Variants in SLC7A10 observed in about 807,000 individuals in gnomAD.
SLC7A10 encodes asc-type amino acid transporter 1.
A neutral mutation model predicts 52.7 loss-of-function variants in SLC7A10; 30 were observed. The observed-to-expected ratio is 0.57, with a 90% confidence interval of 0.43 to 0.77. The LOEUF (loss-of-function observed/expected upper bound fraction) is 0.77. Ranked by LOEUF, SLC7A10 falls within the 30% of genes least tolerant of loss-of-function variation. The pLI is 0.00. For synonymous variants in SLC7A10, 318 were observed against 314.9 expected, an observed-to-expected ratio of 1.01 and a Z score of -0.10; for missense variants, 581 against 698.5, an observed-to-expected ratio of 0.83 and a Z score of 1.90.
rs544039170 is a variant in SLC7A10 at position 33,210,523 on chromosome 19, T to C, written c.1207A>G (p.Ile403Val). 13 of 1,610,640 alleles carry C rather than the reference T, an allele frequency of 8.1e-6. No homozygotes were observed. The African/African-American group carries it at 1.3e-4, about 17-fold the overall frequency. ...FINYLCYGVT[I>V]LGLLLLRWRR... ...CAGCGCAGCAGCAGCAGGCCCAGGA[T>C]GGTGACGCCGTAGCAGAGGTAGTTG... The change falls in exon 9 of 11, where the codon ATC becomes GTC. Residue 403 changes from isoleucine (I) to valine (V), a missense_variant. Coordinates refer to ENST00000253188, the MANE Select transcript of SLC7A10 (RefSeq NM_019849.3). The surrounding 1 kb of genome is among the most constrained non-coding windows in gnomAD (Gnocchi z 5.6).
At position 33,225,533 on chromosome 19, in the gene SLC7A10, C is replaced by T. The variant is rs1163453453; in HGVS notation, c.151+20G>A. On this transcript the variant is annotated intron_variant, in intron 1 of 10. Coordinates refer to ENST00000253188, the MANE Select transcript of SLC7A10 (RefSeq NM_019849.3). ...TCATTCGGCCTCCGCCCGGCGCCCG[C>T]CCGCCTGGGTCCCGCTCACCGATGA... is the stretch of plus-strand genomic sequence containing the variant. 6.3e-7 allele frequency: 1 copy of T among 1,595,330 alleles called. No individual in the cohort carries two copies. Among genetic ancestry groups the T allele is most frequent in the East Asian group, 2.2e-5 (1 of 44,800 alleles).
At chr19:33,211,040 C>T in intron 7 of SLC7A10, 142 bp from the exon 8 acceptor site, 2 of 988,716 alleles carry the variant, frequency 2.0e-6, no homozygotes, top group South Asian at 1.4e-5. Context: ...ATCCAGCCTG[C>T]CTGCCTCTTG....
Position 33,210,918 on chromosome 19 carries a change from T to G in SLC7A10, c.1017-20A>C, listed in dbSNP as rs745967584. 6.2e-7 allele frequency: 1 copy of G among 1,608,652 alleles called. No homozygotes were observed. The highest frequency in any genetic ancestry group is 1.1e-5 in the South Asian group (1 of 90,970). ...CACAGCCTAGCGTTGGGGACAGATA[T>G]GGGCACTGGCCACATCCTGGGTCTC... is the stretch of plus-strand genomic sequence containing the variant. On this transcript the variant is annotated intron_variant, in intron 7 of 10. Coordinates refer to ENST00000253188, the MANE Select transcript of SLC7A10 (RefSeq NM_019849.3). The surrounding 1 kb of genome is among the most constrained non-coding windows in gnomAD (Gnocchi z 5.6).
intron 3 of SLC7A10, 35 bp downstream of exon 3, chr19:33,212,816 T>C (rs1001807349): frequency 9.3e-6 from 15 of 1,610,238 alleles, no homozygotes; most frequent in Non-Finnish European, 1.3e-5. Context: ...GGCAGGTGGC[T>C]GATCTGGGGA....
At chr19:33,215,638 C>CACCTTCTCTCCATCCACCCCCACG (rs1251777560) in intron 2 of SLC7A10, 131 bp downstream of exon 2, 9 of 851,216 alleles carry the variant, frequency 1.1e-5, no homozygotes, top group African/African-American at 1.9e-5. Flanking sequence ...CCACCCCCCA[C>CACCTTCTCTCCATCCACCCCCACG]ACCTTCTCTC....
intron 5 of SLC7A10, chr19:33,212,072 C>A: frequency 1.6e-6 from 1 of 633,158 alleles, no homozygotes. Context: ...TTTCTGAGGC[C>A]CTGCAAGGGG....
At chr19:33,212,767 C>T (rs1974584508) in intron 3 of SLC7A10, 84 bp downstream of exon 3, 1 of 1,605,738 alleles carries the variant, frequency 6.2e-7, no homozygotes, top group Non-Finnish European at 8.5e-7. Flanking sequence ...AGGGAAATTT[C>T]ACCCCTCTGT....
Position 33,212,286 on chromosome 19 carries a change from AC to A in SLC7A10, c.788+5del. The A allele has an allele frequency of 6.3e-7, 1 of 1,599,006 alleles. No homozygotes were observed. Among genetic ancestry groups the A allele is most frequent in the East Asian group, 2.3e-5 (1 of 44,014 alleles). ...TTCCCAGGGCCCAGTTGGGGGCCCC[AC>A]TCACTTTCGGGCGTCAACCATCTCC... On this transcript the variant is annotated splice_donor_5th_base_variant and intron_variant, in intron 5 of 10. Transcript: ENST00000253188.
chr19:33,211,788 AT>A, intron 5 of SLC7A10: 1 of 596,376 alleles, frequency 1.7e-6, no homozygotes, highest in East Asian at 3.0e-5. Context: ...ACAGGGTCTG[AT>A]GTCTGTGCAG....
chr19:33,215,985 G>C lies in SLC7A10; in HGVS notation c.152-12C>G. The C allele has an allele frequency of 1.3e-6, 2 of 1,569,958 alleles. No homozygotes were observed. The highest frequency in any genetic ancestry group is 1.7e-6 in the Non-Finnish European group (2 of 1,150,910). On this transcript the variant is annotated splice_polypyrimidine_tract_variant and intron_variant, in intron 1 of 10. Coordinates refer to ENST00000253188, the MANE Select transcript of SLC7A10 (RefSeq NM_019849.3). ...GCCGATGATGTTCCCTGCAGGGGGAGAGATGGGGAGGCATCAGGCCTGGGG... is the reference window on the plus strand; with the variant it reads ...GCCGATGATGTTCCCTGCAGGGGGACAGATGGGGAGGCATCAGGCCTGGGG...
At chr19:33,223,712 T>G (rs1175765218) in intron 1 of SLC7A10, among the ~76,000 whole-genome samples, 1 of 151,852 alleles carries the variant, frequency 6.6e-6, no homozygotes, top group East Asian at 1.9e-4. Context: ...CGGGCTTGGG[T>G]TCTGTAGCTG....
At position 33,218,487 on chromosome 19, in the gene SLC7A10, C is replaced by T. The variant is rs138049064; in HGVS notation, c.152-2514G>A. The stretch of plus-strand genomic sequence containing the variant: ...ATCATGTTTGAAGGTGGCAGAAAAT[C>T]GCATCACGCACTCCGCACACTGGCT... On this transcript the variant is annotated intron_variant, in intron 1 of 10. Transcript: ENST00000253188. Among the ~76,000 whole-genome samples the T allele has an allele frequency of 2.0e-3, 296 of 151,772 alleles. 1 individual carries two copies. The highest frequency in any genetic ancestry group is 6.4e-3 in the African/African-American group (265 of 41,454).
Position 33,211,558 on chromosome 19 carries a change from G to A in SLC7A10, c.789-21C>T, listed in dbSNP as rs368874481. ...GGTTCCTGGTGACAGGCAGTGGAGT[G>A]CGTCAGCGTCAGCTCCTGAGGGTGC... On this transcript the variant is annotated intron_variant, in intron 5 of 10. Transcript: ENST00000253188. 36 of 1,613,796 alleles carry A rather than the reference G, an allele frequency of 2.2e-5. No homozygotes were observed. In the African/African-American group the frequency reaches 4.8e-4, roughly 22 times the overall value.
In SLC7A10 at chr19:33,212,465, G is replaced by A. The variant is rs1291130081; in HGVS notation, c.635-20C>T. The A allele has an allele frequency of 1.2e-6, 2 of 1,613,796 alleles. No homozygotes were observed. Among genetic ancestry groups the A allele is most frequent in the African/African-American group, 2.7e-5 (2 of 74,954 alleles). On this transcript the variant is annotated intron_variant, in intron 4 of 10. Coordinates refer to ENST00000253188, the MANE Select transcript of SLC7A10 (RefSeq NM_019849.3). ...AGTGTCCTGGAGGCCCAGAAGTCGG[G>A]GGTCAGCACCATCTCCCCAGCCCGG...
At chr19:33,216,275 C>T (rs911051530) in intron 1 of SLC7A10, among the ~76,000 whole-genome samples, 2 of 152,214 alleles carry the variant, frequency 1.3e-5, no homozygotes, top group Non-Finnish European at 2.9e-5. Flanking sequence ...TCCATTGCCC[C>T]CGTGAGGCGG....
Position 33,210,351 on chromosome 19 carries a change from G to A in SLC7A10, c.1263+116C>T, listed in dbSNP as rs1974515095. On this transcript the variant is annotated intron_variant, in intron 9 of 10. Coordinates refer to ENST00000253188, the MANE Select transcript of SLC7A10 (RefSeq NM_019849.3). The surrounding 1 kb of genome is among the most constrained non-coding windows in gnomAD (Gnocchi z 5.6). ...CAGTGCACAGAGAGCCCTGAGCAGG[G>A]CCCAACACTCCACAAAAGCTGGCAC... 7.6e-7 allele frequency: 1 copy of A among 1,315,374 alleles called. No homozygotes were observed. The highest frequency in any genetic ancestry group is 2.5e-5 in the East Asian group (1 of 39,656). 81.5% of individuals were successfully genotyped at this position (1,315,374 alleles called of 1,614,324 possible).
chr19:33,217,817 GT>G, intron 1 of SLC7A10: 1 of 152,314 alleles, frequency 6.6e-6, no homozygotes, highest in Non-Finnish European at 1.5e-5. Context: ...GCCCCACTCA[GT>G]TTTCCAGTCA....
intron 2 of SLC7A10, among the ~76,000 whole-genome samples, chr19:33,215,168 T>A (rs1159296093): frequency 6.6e-6 from 1 of 150,532 alleles, no homozygotes. Context: ...CTCGGGAGTC[T>A]GAGGCAGGAG....
At chr19:33,212,727 G>A in intron 3 of SLC7A10, 88 bp from the exon 4 acceptor site, 7 of 1,610,654 alleles carry the variant, frequency 4.3e-6, no homozygotes, top group South Asian at 1.1e-5. Flanking sequence ...CCCGAGAATG[G>A]CATCCCCTAT....
Sources: allele counts gnomAD v4.1 joint callset (sites outside exome capture counted in the v4.1 genomes callset), GRCh38; gene constraint gnomAD v4.1.1; non-coding constraint Gnocchi (gnomAD v3.1); transcripts MANE v1.5; gene names NCBI Gene and HGNC (gene_info 2026-07-23, HGNC 2026-07-21).